ARB2A: variants seen among roughly 807,000 people sequenced by gnomAD.
ARB2A encodes the protein ARB2 cotranscriptional regulator A.
chr5:93,905,057 T>C, the ARB2A span, among the ~76,000 whole-genome samples: 1 of 151,724 alleles, frequency 6.6e-6, no homozygotes, highest in African/African-American at 2.4e-5. Context: ...CTCTGAAATC[T>C]TTACCCAAGC....
At chr5:94,057,790 G>A in the ARB2A span, among the ~76,000 whole-genome samples, 2 of 152,120 alleles carry the variant, frequency 1.3e-5, no homozygotes, top group East Asian at 3.9e-4. Flanking sequence ...TAAACCCCTT[G>A]ATGCCCTAGC....
the ARB2A span, chr5:93,619,477 G>A: frequency 7.2e-5 from 11 of 152,120 alleles, no homozygotes; most frequent in Non-Finnish European, 1.2e-4. Context: ...ATTTAAGCAC[G>A]AAGTGGTTGA....
At chr5:93,647,241 C>A in the ARB2A span, among the ~76,000 whole-genome samples, 3 of 152,020 alleles carry the variant, frequency 2.0e-5, no homozygotes, top group Admixed American at 6.6e-5. Flanking sequence ...TTTCTTCCCC[C>A]CCGAGACGGA....
the ARB2A span, among the ~76,000 whole-genome samples, chr5:93,954,315 C>T: frequency 1.3e-5 from 2 of 151,954 alleles, no homozygotes; most frequent in African/African-American, 4.8e-5. Context: ...AGTTAGGGCC[C>T]ATGGGCTCTT....
chr5:93,952,106 T>A, the ARB2A span, among the ~76,000 whole-genome samples: 1 of 152,144 alleles, frequency 6.6e-6, no homozygotes, highest in Non-Finnish European at 1.5e-5. Context: ...AATAAAAGGA[T>A]GAGTAGAGGG....
At chr5:94,065,290 G>A in the ARB2A span, among the ~76,000 whole-genome samples, 1 of 152,186 alleles carries the variant, frequency 6.6e-6, no homozygotes, top group East Asian at 1.9e-4. Context: ...GAGGCAGGCA[G>A]ATCACTTGAG....
At chr5:93,776,606 C>T in the ARB2A span, among the ~76,000 whole-genome samples, 1 of 152,216 alleles carries the variant, frequency 6.6e-6, no homozygotes, top group Non-Finnish European at 1.5e-5. Flanking sequence ...GGTGAAACTC[C>T]TTCTCTACTA....
the ARB2A span, among the ~76,000 whole-genome samples, chr5:94,039,662 T>C: frequency 1.3e-5 from 2 of 152,202 alleles, no homozygotes; most frequent in Non-Finnish European, 2.9e-5. Flanking sequence ...CTTTACTCTA[T>C]GGACTCGCCC....
chr5:93,937,888 G>C, the ARB2A span, among the ~76,000 whole-genome samples: 1 of 152,082 alleles, frequency 6.6e-6, no homozygotes, highest in South Asian at 2.1e-4. Flanking sequence ...TATTGTTTAG[G>C]GAATAATGAC....
chr5:93,719,005 T>C, the ARB2A span, among the ~76,000 whole-genome samples: 1 of 152,204 alleles, frequency 6.6e-6, no homozygotes, highest in Non-Finnish European at 1.5e-5. Flanking sequence ...CAGCTCTCTC[T>C]TGGATGTCTT....
At chr5:94,037,949 CT>C in the ARB2A span, among the ~76,000 whole-genome samples, 1 of 152,058 alleles carries the variant, frequency 6.6e-6, no homozygotes, top group East Asian at 1.9e-4. Context: ...TAAAATTGTA[CT>C]CTTAGTTGTT....
At chr5:94,000,829 AG>A in the ARB2A span, among the ~76,000 whole-genome samples, 1 of 152,032 alleles carries the variant, frequency 6.6e-6, no homozygotes, top group Non-Finnish European at 1.5e-5. Context: ...TTTCTGCAAA[AG>A]GCATAAGGTC....
the ARB2A span, among the ~76,000 whole-genome samples, chr5:94,047,016 GATGGTATGATACAAA>G: frequency 1.3e-5 from 2 of 152,192 alleles, no homozygotes; most frequent in Non-Finnish European, 2.9e-5. Flanking sequence ...TAAGAAGCAT[GATGGTATGATACAAA>G]TACTGTAATA....
At chr5:93,786,106 T>C in the ARB2A span, among the ~76,000 whole-genome samples, 251 of 152,340 alleles carry the variant, frequency 1.6e-3, 2 homozygotes, top group African/African-American at 5.1e-3. Flanking sequence ...CTTTCTGGTA[T>C]TCTAAGGATA....
chr5:93,982,235 G>C, the ARB2A span, among the ~76,000 whole-genome samples: 4 of 152,158 alleles, frequency 2.6e-5, no homozygotes, highest in African/African-American at 9.7e-5. Flanking sequence ...CTTCATCTGA[G>C]TTTCAAAATT....
chr5:93,798,910 G>C, the ARB2A span, among the ~76,000 whole-genome samples: 1 of 152,110 alleles, frequency 6.6e-6, no homozygotes, highest in Non-Finnish European at 1.5e-5. Flanking sequence ...AGGCCACCAA[G>C]GTGGTTTGTA....
the ARB2A span, among the ~76,000 whole-genome samples, chr5:94,077,400 A>G: frequency 6.6e-6 from 1 of 152,078 alleles, no homozygotes; most frequent in Admixed American, 6.6e-5. Context: ...TAATTATTAC[A>G]TGTGACCCTA....
At chr5:93,888,308 A>G in the ARB2A span, among the ~76,000 whole-genome samples, 31 of 151,996 alleles carry the variant, frequency 2.0e-4, no homozygotes, top group Non-Finnish European at 4.3e-4. Flanking sequence ...TTCTCATAAA[A>G]TGACACAAAG....
At chr5:94,090,782 CAT>C in the ARB2A span, among the ~76,000 whole-genome samples, 4 of 152,088 alleles carry the variant, frequency 2.6e-5, no homozygotes, top group Admixed American at 6.6e-5. Flanking sequence ...ATTGAGATAA[CAT>C]GTGGTTTTTG....
Sources: allele counts gnomAD v4.1 joint callset (sites outside exome capture counted in the v4.1 genomes callset), GRCh38; gene constraint gnomAD v4.1.1; transcripts MANE v1.5; gene names NCBI Gene and HGNC (gene_info 2026-07-23, HGNC 2026-07-21).